Variants in LRRTM4 observed in about 807,000 individuals in gnomAD.
LRRTM4 encodes leucine-rich repeat transmembrane neuronal protein 4.
A neutral mutation model predicts 47.6 loss-of-function variants in LRRTM4; 25 were observed. The ratio of observed to expected loss-of-function variants is 0.53; its 90% CI spans 0.38 to 0.73. LRRTM4 has a LOEUF of 0.73. LRRTM4 is among the 30% of genes least tolerant of loss of function. LRRTM4 has a pLI of 0.00. For synonymous variants in LRRTM4, 311 were observed against 269.5 expected (o/e 1.15, Z -1.51); for missense variants, 638 against 713.4 (o/e 0.89, Z 1.20).
At position 76,771,644 on chromosome 2, in the gene LRRTM4, A is replaced by G. The variant is rs1381677063; in HGVS notation, c.1552-22728T>C. Among the ~76,000 whole-genome samples the G allele has an allele frequency of 3.2e-5, 4 of 125,354 alleles. No homozygotes were observed. In the East Asian group the frequency reaches 1.1e-3, roughly 34 times the overall value. The allele number at this position is 125,354 out of a possible 152,430, so 82.2% of individuals were successfully genotyped here. ...TCAAATTCTTGCCAGGTGAACAGAA[A>G]AAAAAAAAAAAAAGAAAAAGAAAAG... On this transcript the variant is annotated intron_variant, in intron 3 of 3. Transcript: ENST00000409884.
At chr2:77,062,878 T>C (rs889459447) in intron 3 of LRRTM4, among the ~76,000 whole-genome samples, 3 of 152,062 alleles carry the variant, frequency 2.0e-5, no homozygotes, top group African/African-American at 7.2e-5. Flanking sequence ...TCAGTGCAAA[T>C]TGTAGGATTC....
chr2:76,761,246 T>G (rs1673242734), intron 3 of LRRTM4, among the ~76,000 whole-genome samples: 1 of 152,212 alleles, frequency 6.6e-6, no homozygotes, highest in Non-Finnish European at 1.5e-5. Flanking sequence ...CCAAATGCGG[T>G]GCACACCTGT....
chr2:76,985,101 T>C (rs80270636), intron 3 of LRRTM4, among the ~76,000 whole-genome samples: 2,293 of 152,124 alleles, frequency 0.015, 62 homozygotes, highest in African/African-American at 0.053. Context: ...GTTTCTCTTA[T>C]ACAATTCCCC....
rs549112521 is a variant in LRRTM4, at chr2:77,201,677, A to G, written c.1551+316641T>C. ...GAAATAAATTTTAAAAAGTCATAAG[A>G]GCAAAAAATCAATATGTGCCAAGGG... On this transcript the variant is annotated intron_variant, in intron 3 of 3. Coordinates refer to ENST00000409884, the MANE Select transcript of LRRTM4 (RefSeq NM_001134745.3). Among the ~76,000 whole-genome samples the G allele has an allele frequency of 1.1e-3, 160 of 152,210 alleles. 1 individual carries two copies. The highest frequency in any genetic ancestry group is 3.7e-3 in the African/African-American group (152 of 41,552).
intron 3 of LRRTM4, among the ~76,000 whole-genome samples, chr2:76,868,394 T>A (rs2104038834): frequency 6.6e-6 from 1 of 152,284 alleles, no homozygotes; most frequent in East Asian, 1.9e-4. Flanking sequence ...CAAGAAATTT[T>A]TTTTAGTGTG....
intron 3 of LRRTM4, among the ~76,000 whole-genome samples, chr2:77,358,745 T>A (rs1218503410): frequency 6.6e-6 from 1 of 152,194 alleles, no homozygotes; most frequent in Non-Finnish European, 1.5e-5. Context: ...ATGGCTTCGG[T>A]AACAGATATT....
chr2:76,773,372 C>T (rs891420503), intron 3 of LRRTM4, among the ~76,000 whole-genome samples: 11 of 152,180 alleles, frequency 7.2e-5, no homozygotes, highest in Non-Finnish European at 1.6e-4. Flanking sequence ...TCTCTTATTG[C>T]AGTAGTCTTA....
chr2:77,303,041 C>A (rs1005845957), intron 3 of LRRTM4, among the ~76,000 whole-genome samples: 2 of 152,016 alleles, frequency 1.3e-5, no homozygotes, highest in Non-Finnish European at 2.9e-5. Context: ...TAGGCCCCAC[C>A]ATTGCTCAGG....
At chr2:77,231,767 G>A (rs1674972247) in intron 3 of LRRTM4, among the ~76,000 whole-genome samples, 1 of 151,880 alleles carries the variant, frequency 6.6e-6, no homozygotes, top group South Asian at 2.1e-4. Flanking sequence ...AAGAAACCGA[G>A]GAACACTCAA....
intron 3 of LRRTM4, among the ~76,000 whole-genome samples, chr2:77,074,934 A>C (rs968391838): frequency 1.3e-5 from 2 of 152,046 alleles, no homozygotes; most frequent in African/African-American, 4.8e-5. Flanking sequence ...AGATAACAAG[A>C]TATTTTTTCT....
chr2:77,312,732 C>T (rs1391733722), intron 3 of LRRTM4, among the ~76,000 whole-genome samples: 1 of 151,842 alleles, frequency 6.6e-6, no homozygotes, highest in Non-Finnish European at 1.5e-5. Context: ...ACTAGTCATT[C>T]AATAAGCCTG....
At chr2:76,900,113 G>A (rs1195907058) in intron 3 of LRRTM4, among the ~76,000 whole-genome samples, 1 of 151,962 alleles carries the variant, frequency 6.6e-6, no homozygotes, top group Non-Finnish European at 1.5e-5. Context: ...CATGCCTCTA[G>A]TCCCAGCTGC....
chr2:76,905,863 C>A (rs143751353), intron 3 of LRRTM4, among the ~76,000 whole-genome samples: 12,857 of 152,182 alleles, frequency 0.084, 892 homozygotes, highest in East Asian at 0.38. Context: ...ACCAAATCTA[C>A]ATCTGATTGG....
intron 3 of LRRTM4, among the ~76,000 whole-genome samples, chr2:77,142,870 C>T (rs1405719251): frequency 1.3e-5 from 2 of 152,084 alleles, no homozygotes; most frequent in Non-Finnish European, 2.9e-5. Context: ...ACCTGAGTAA[C>T]AGTGATGTAA....
intron 3 of LRRTM4, among the ~76,000 whole-genome samples, chr2:77,256,563 T>C (rs1407521598): frequency 6.6e-6 from 1 of 152,066 alleles, no homozygotes; most frequent in Non-Finnish European, 1.5e-5. Context: ...GAGATCTTAT[T>C]GTTTTATAAA....
intron 3 of LRRTM4, among the ~76,000 whole-genome samples, chr2:77,228,956 T>C (rs1674890566): frequency 6.6e-6 from 1 of 152,066 alleles, no homozygotes; most frequent in Non-Finnish European, 1.5e-5. Flanking sequence ...ACCCCTTCTC[T>C]TTTTTAATGA....
intron 3 of LRRTM4, among the ~76,000 whole-genome samples, chr2:77,302,005 ATTT>A (rs1677144104): frequency 6.6e-6 from 1 of 152,202 alleles, no homozygotes; most frequent in Non-Finnish European, 1.5e-5. Context: ...TTTAAAAACT[ATTT>A]TAGACATAGT....
intron 3 of LRRTM4, among the ~76,000 whole-genome samples, chr2:77,007,425 T>G (rs534312521): frequency 6.6e-6 from 1 of 152,194 alleles, no homozygotes; most frequent in Non-Finnish European, 1.5e-5. Flanking sequence ...CTGAGATATA[T>G]TGGCTATATG....
intron 3 of LRRTM4, among the ~76,000 whole-genome samples, chr2:77,043,130 C>T (rs542972793): frequency 2.5e-4 from 38 of 151,808 alleles, no homozygotes; most frequent in African/African-American, 8.7e-4. Context: ...TCTTTCTTTC[C>T]TGTTTTGTCT....
Sources: allele counts gnomAD v4.1 joint callset (sites outside exome capture counted in the v4.1 genomes callset), GRCh38; gene constraint gnomAD v4.1.1; transcripts MANE v1.5; gene names NCBI Gene and HGNC (gene_info 2026-07-23, HGNC 2026-07-21).